TMEM63B: variants seen among roughly 807,000 people sequenced by gnomAD.
TMEM63B encodes the protein transmembrane protein 63B, also known as mechanosensitive cation channel TMEM63B.
Under a neutral mutation model 102.6 loss-of-function variants are expected in TMEM63B, and 23 were observed. The ratio of observed to expected loss-of-function variants is 0.22; its 90% CI spans 0.16 to 0.32. TMEM63B has a LOEUF of 0.32. Among genes scored for constraint, TMEM63B ranks in the 10% least tolerant of loss-of-function variants. The pLI is 1.00. For synonymous variants in TMEM63B, 444 were observed against 437.0 expected (o/e 1.02, Z -0.20); for missense variants, 628 against 1,095.9 (o/e 0.57, Z 6.03).
chr6:44,148,551 G>T lies in TMEM63B; in HGVS notation c.1160G>T (p.Cys387Phe). The change falls in exon 14 of 24, where the codon TGC becomes TTC. Residue 387 changes from cysteine (C) to phenylalanine (F), a missense_variant. This residue lies in a region of TMEM63B where 336 missense variants were observed against 580.3 expected (regional missense o/e 0.58). Transcript: ENST00000323267. The surrounding 1 kb of genome is among the most constrained non-coding windows in gnomAD (Gnocchi z 5.1). ...KDFNVCKCQG[C>F]TCRGEPRPSS... Reference sequence around the variant, plus strand: ...TTCAACGTGTGTAAATGCCAGGGCTGCACCTGCCGTGGGGAGCCACGCCCC... The same window carrying T: ...TTCAACGTGTGTAAATGCCAGGGCTTCACCTGCCGTGGGGAGCCACGCCCC... 3 of 1,614,216 alleles carry T rather than the reference G, an allele frequency of 1.9e-6. No homozygotes were observed. In the South Asian group the frequency reaches 3.3e-5, roughly 18 times the overall value.
intron 1 of TMEM63B, among the ~76,000 whole-genome samples, chr6:44,128,747 C>T (rs1345668696): frequency 6.6e-6 from 1 of 152,162 alleles, no homozygotes. Flanking sequence ...CCTCCCAGGC[C>T]AGGGTGAGGT....
At chr6:44,132,140 T>A (rs1191662510) in intron 1 of TMEM63B, 1 of 514,190 alleles carries the variant, frequency 1.9e-6, no homozygotes, top group Non-Finnish European at 2.5e-6. Context: ...GCAAGTTGCT[T>A]CCCCTACTGG....
intron 8 of TMEM63B, 112 bp downstream of exon 8, chr6:44,139,871 G>A: frequency 7.2e-7 from 1 of 1,382,488 alleles, no homozygotes; most frequent in South Asian, 1.2e-5. Flanking sequence ...CTACAGGGAT[G>A]GCTATGGGTC....
Position 44,150,405 on chromosome 6 carries a change from A to AGG in TMEM63B, c.1607+98_1607+99dup, listed in dbSNP as rs1485427048. 1.2e-5 allele frequency: 17 copies of AGG among 1,475,860 alleles called. No individual in the cohort carries two copies. Among genetic ancestry groups the AGG allele is most frequent in the Non-Finnish European group, 9.5e-7 (1 of 1,057,620 alleles). The allele number at this position is 1,475,860 out of a possible 1,614,324, so 91.4% of individuals were successfully genotyped here. On this transcript the variant is annotated intron_variant, in intron 17 of 23. Coordinates refer to ENST00000323267, the MANE Select transcript of TMEM63B (RefSeq NM_018426.3). The surrounding 1 kb of genome is among the most constrained non-coding windows in gnomAD (Gnocchi z 4.7). The stretch of plus-strand genomic sequence containing the variant: ...GCCTCCCTACCTCCCCTACAAAGCA[A>AGG]GGGGCCCAAGATGGGAAGCCTGGCC...
Position 44,148,409 on chromosome 6 carries a change from G to T in TMEM63B, c.1121+24G>T. ...ATGTGAGTCCCCAACTCGGCCCTCG[G>T]CCCTGAGCAGCCCTCCAGGGCTCCC... is the stretch of plus-strand genomic sequence containing the variant. On this transcript the variant is annotated intron_variant, in intron 13 of 23. Transcript: ENST00000323267. This position sits in a 1 kb window ranked among gnomAD's most constrained non-coding sequence, Gnocchi z 5.1. 6.2e-7 allele frequency: 1 copy of T among 1,614,120 alleles called. No homozygotes were observed. The highest frequency in any genetic ancestry group is 1.1e-5 in the South Asian group (1 of 91,082).
intron 1 of TMEM63B, among the ~76,000 whole-genome samples, chr6:44,130,352 A>C (rs1191143785): frequency 2.6e-5 from 4 of 152,352 alleles, no homozygotes; most frequent in African/African-American, 9.6e-5. Context: ...TAAAGTGCTT[A>C]GAACAGTGCT....
At position 44,138,488 on chromosome 6, in the gene TMEM63B, T is replaced by C; in HGVS notation, c.378T>C (p.Cys126=). 1 of 1,614,056 alleles carries C rather than the reference T, an allele frequency of 6.2e-7. No homozygotes were observed. The highest frequency in any genetic ancestry group is 1.1e-5 in the South Asian group (1 of 91,090). ...GCCCTCTGTTCCCCCAGGGTTTCTG[T>C]TCCTGGCTGACAGCCATCTTCAGGA... The part of the protein sequence containing the change: ...VDFDQRDNGF[C]SWLTAIFRIK... The change falls in exon 6 of 24, where the codon TGT becomes TGC. Residue 126 remains cysteine (C), a synonymous_variant. Coordinates refer to ENST00000323267, the MANE Select transcript of TMEM63B (RefSeq NM_018426.3).
chr6:44,140,944 T>C, intron 9 of TMEM63B, 84 bp from the exon 10 acceptor site: 3 of 1,248,808 alleles, frequency 2.4e-6, no homozygotes, highest in South Asian at 1.2e-5. Flanking sequence ...CAAAGCCTCT[T>C]TCTCTAGTGC....
chr6:44,142,631 C>G (rs1764533544), intron 10 of TMEM63B, among the ~76,000 whole-genome samples: 1 of 152,128 alleles, frequency 6.6e-6, no homozygotes, highest in South Asian at 2.1e-4. Context: ...TGAGGTCAGT[C>G]TGTGGTCAGA....
At chr6:44,128,666 C>T (rs953263307) in intron 1 of TMEM63B, among the ~76,000 whole-genome samples, 1 of 152,248 alleles carries the variant, frequency 6.6e-6, no homozygotes, top group Non-Finnish European at 1.5e-5. Context: ...CTTGCCTACC[C>T]ATTACCAGTC....
Position 44,150,703 on chromosome 6 carries a change from C to T in TMEM63B, c.1673+74C>T. The T allele has an allele frequency of 6.8e-7, 1 of 1,476,982 alleles. No individual in the cohort carries two copies. The highest frequency in any genetic ancestry group is 2.3e-5 in the East Asian group (1 of 43,558). The allele number at this position is 1,476,982 out of a possible 1,614,324, so 91.5% of individuals were successfully genotyped here. A position where few individuals can be genotyped will look rare whatever the true frequency, so the allele number is the denominator to read the frequency against. On this transcript the variant is annotated intron_variant, in intron 18 of 23. Transcript: ENST00000323267. This position sits in a 1 kb window ranked among gnomAD's most constrained non-coding sequence, Gnocchi z 4.7. ...TATGCTTGAGAGACATTGCCAGCCCCATGGGAGGGTGCAACAAAGCTTCCA... is the reference window on the plus strand; with the variant it reads ...TATGCTTGAGAGACATTGCCAGCCCTATGGGAGGGTGCAACAAAGCTTCCA...
chr6:44,152,004 A>G lies in TMEM63B; in HGVS notation c.1832A>G (p.Lys611Arg), dbSNP rs1423913836. Residue 611 changes from lysine (K) to arginine (R), a missense_variant, in exon 19 of 24, where the codon AAG (lysine) becomes AGG (arginine). This residue lies in a region of TMEM63B where 90 missense variants were observed against 136.7 expected (regional missense o/e 0.66). Coordinates refer to ENST00000323267, the MANE Select transcript of TMEM63B (RefSeq NM_018426.3). The surrounding 1 kb of genome is among the most constrained non-coding windows in gnomAD (Gnocchi z 6.4). ...ARSAAERRNV[K>R]RHQAYEFQFG... ...TCGGCCGCCGAGAGGCGCAACGTGA[A>G]GCGGGTACGGCCGCCTGGGGCAGCA... 4 of 1,607,376 alleles carry G rather than the reference A, an allele frequency of 2.5e-6. No homozygotes were observed. Among genetic ancestry groups the G allele is most frequent in the African/African-American group, 1.3e-5 (1 of 74,658 alleles).
At position 44,148,110 on chromosome 6, in the gene TMEM63B, G is replaced by C; in HGVS notation, c.988-142G>C. ...TACACTCCAGCCTGGGCATCAGAGC[G>C]AGACGCTGTTTCCAAAAAAAAAAAA... is the stretch of plus-strand genomic sequence containing the variant. On this transcript the variant is annotated intron_variant, in intron 12 of 23. Coordinates refer to ENST00000323267, the MANE Select transcript of TMEM63B (RefSeq NM_018426.3). This position sits in a 1 kb window ranked among gnomAD's most constrained non-coding sequence, Gnocchi z 5.1. 7.9e-7 allele frequency: 1 copy of C among 1,271,578 alleles called. No individual in the cohort carries two copies. The highest frequency in any genetic ancestry group is 1.5e-5 in the African/African-American group (1 of 66,772). The allele number at this position is 1,271,578 out of a possible 1,614,324, so 78.8% of individuals were successfully genotyped here. A position where few individuals can be genotyped will look rare whatever the true frequency, so the allele number is the denominator to read the frequency against.
At chr6:44,151,178 C>A (rs1189980982) in intron 18 of TMEM63B, among the ~76,000 whole-genome samples, 1 of 151,978 alleles carries the variant, frequency 6.6e-6, no homozygotes, top group Non-Finnish European at 1.5e-5. Flanking sequence ...TTTAGCAGTA[C>A]AAGTTCTGGG....
rs1199444892 is a variant in TMEM63B at position 44,148,253 on chromosome 6, T to A, written c.989T>A (p.Val330Glu). Reference sequence around the variant, plus strand: ...CCTGTCCCTAACCCTCCCACAAAGGTGGAGGCCATTGAGTACTACACAAAG... The same window carrying A: ...CCTGTCCCTAACCCTCCCACAAAGGAGGAGGCCATTGAGTACTACACAAAG... Reference protein sequence around the residue: ...CCCVVRGCEQVEAIEYYTKLE... With the variant: ...CCCVVRGCEQEEAIEYYTKLE... The change falls in exon 13 of 24, where the codon GTG (valine) becomes GAG (glutamate). Residue 330 changes from valine (V) to glutamate (E), a missense_variant and splice_region_variant. Val to Glu is a moderately radical substitution (Grantham distance 121). Around this residue, in one of 6 missense-constraint regions of TMEM63B, gnomAD observed 336 missense variants for 580.3 expected, o/e 0.58. Coordinates refer to ENST00000323267, the MANE Select transcript of TMEM63B (RefSeq NM_018426.3). The surrounding 1 kb of genome is among the most constrained non-coding windows in gnomAD (Gnocchi z 5.1). 3 of 1,613,876 alleles carry A rather than the reference T, an allele frequency of 1.9e-6. No homozygotes were observed. Among genetic ancestry groups the A allele is most frequent in the South Asian group, 1.1e-5 (1 of 91,084 alleles).
intron 10 of TMEM63B, among the ~76,000 whole-genome samples, chr6:44,142,412 C>G (rs1468189828): frequency 6.6e-6 from 1 of 152,106 alleles, no homozygotes; most frequent in Non-Finnish European, 1.5e-5. Context: ...TACCAGTAGT[C>G]TCAGCTACTC....
Position 44,148,268 on chromosome 6 carries a change from A to T in TMEM63B, c.1004A>T (p.Tyr335Phe). The T allele has an allele frequency of 6.2e-7, 1 of 1,614,246 alleles. No homozygotes were observed. The highest frequency in any genetic ancestry group is 8.5e-7 in the Non-Finnish European group (1 of 1,180,036). ...RGCEQVEAIE[Y>F]YTKLEQKLKE... Reference sequence around the variant, plus strand: ...CCCACAAAGGTGGAGGCCATTGAGTACTACACAAAGCTGGAGCAGAAGCTG... The same window carrying T: ...CCCACAAAGGTGGAGGCCATTGAGTTCTACACAAAGCTGGAGCAGAAGCTG... Residue 335 changes from tyrosine to phenylalanine, a missense_variant, in exon 13 of 24, where the codon TAC (tyrosine) becomes TTC (phenylalanine). Coordinates refer to ENST00000323267, the MANE Select transcript of TMEM63B (RefSeq NM_018426.3). This position sits in a 1 kb window ranked among gnomAD's most constrained non-coding sequence, Gnocchi z 5.1.
intron 1 of TMEM63B, among the ~76,000 whole-genome samples, chr6:44,131,482 A>C (rs550232548): frequency 1.8e-4 from 27 of 152,112 alleles, no homozygotes; most frequent in Admixed American, 9.2e-4. Flanking sequence ...GCACTTTGGG[A>C]GGCCGAGGTG....
Position 44,134,689 on chromosome 6 carries a change from C to T in TMEM63B, c.105C>T (p.Gly35=). ...SARIRSTVLQ[G]LPFGGVPTVL... ...GCATCCGCAGCACTGTCCTGCAGGGCCTGCCCTTTGGGGGCGTCCCCACCG... is the reference window on the plus strand; with the variant it reads ...GCATCCGCAGCACTGTCCTGCAGGGTCTGCCCTTTGGGGGCGTCCCCACCG... Residue 35 remains glycine, a synonymous_variant, in exon 2 of 24, where the codon GGC becomes GGT. Transcript: ENST00000323267. 1 of 1,614,204 alleles carries T rather than the reference C, an allele frequency of 6.2e-7. No individual in the cohort carries two copies. Among genetic ancestry groups the T allele is most frequent in the Non-Finnish European group, 8.5e-7 (1 of 1,180,012 alleles).
Sources: allele counts gnomAD v4.1 joint callset (sites outside exome capture counted in the v4.1 genomes callset), GRCh38; gene constraint gnomAD v4.1.1; regional missense constraint gnomAD v4.1.1; non-coding constraint Gnocchi (gnomAD v3.1); transcripts MANE v1.5; gene names NCBI Gene and HGNC (gene_info 2026-07-23, HGNC 2026-07-21).